The following BBS9 variants were observed in gnomAD, a reference collection of about 807,000 sequenced individuals.
BBS9 encodes Bardet-Biedl syndrome 9, also known as protein PTHB1.
A neutral mutation model predicts 117.7 loss-of-function variants in BBS9; 89 were observed. That is an observed-to-expected ratio of 0.76 (90% confidence interval 0.64 to 0.90). The LOEUF (loss-of-function observed/expected upper bound fraction) is 0.90. Among genes scored for constraint, BBS9 ranks in the 40% least tolerant of loss-of-function variants. BBS9 has a pLI of 0.00. For missense variants in BBS9, 982 were observed against 1,042.2 expected, an observed-to-expected ratio of 0.94 and a Z score of 0.80; for synonymous variants, 379 against 370.9, an observed-to-expected ratio of 1.02 and a Z score of -0.25.
chr7:33,487,268 C>T (rs1843244964), intron 19 of BBS9, among the ~76,000 whole-genome samples: 1 of 152,066 alleles, frequency 6.6e-6, no homozygotes, highest in South Asian at 2.1e-4. Flanking sequence ...GGGGTTTTTC[C>T]AGATAAGCTA....
chr7:33,256,429 G>A (rs1156343965), intron 5 of BBS9, among the ~76,000 whole-genome samples: 2 of 152,084 alleles, frequency 1.3e-5, no homozygotes, highest in Non-Finnish European at 2.9e-5. Context: ...CAGTTGAGGT[G>A]GGTTAGAGTA....
chr7:33,346,297 G>A (rs909458789), intron 12 of BBS9: 20 of 469,184 alleles, frequency 4.3e-5, no homozygotes, highest in African/African-American at 1.6e-4. Flanking sequence ...TTTTCCATCC[G>A]TTCCAAGTGA....
intron 21 of BBS9, among the ~76,000 whole-genome samples, chr7:33,635,082 C>T (rs1232653797): frequency 6.6e-6 from 1 of 152,186 alleles, no homozygotes; most frequent in Non-Finnish European, 1.5e-5. Flanking sequence ...GAATTAGATG[C>T]TGCGATCTGT....
intron 9 of BBS9, among the ~76,000 whole-genome samples, chr7:33,321,168 G>A (rs1221337983): frequency 6.6e-6 from 1 of 152,040 alleles, no homozygotes; most frequent in Non-Finnish European, 1.5e-5. Flanking sequence ...GTCGGGTAAT[G>A]TGATCCTTCC....
At chr7:33,559,803 T>C (rs1246356734) in intron 21 of BBS9, among the ~76,000 whole-genome samples, 2 of 152,136 alleles carry the variant, frequency 1.3e-5, no homozygotes, top group African/African-American at 4.8e-5. Context: ...CTCCAGCCCC[T>C]TCATTCTTAC....
chr7:33,396,394 G>A (rs12669847), intron 19 of BBS9, among the ~76,000 whole-genome samples: 4,269 of 152,086 alleles, frequency 0.028, 232 homozygotes, highest in East Asian at 0.26. Context: ...AGCAGATTAT[G>A]AAATAGTATA....
At chr7:33,476,187 A>G (rs773220479) in intron 19 of BBS9, among the ~76,000 whole-genome samples, 3 of 152,184 alleles carry the variant, frequency 2.0e-5, no homozygotes, top group Non-Finnish European at 2.9e-5. Flanking sequence ...TCTATTTTAC[A>G]TAAGTGAAAT....
At chr7:33,232,094 A>C (rs917347358) in intron 5 of BBS9, among the ~76,000 whole-genome samples, 1 of 152,172 alleles carries the variant, frequency 6.6e-6, no homozygotes, top group Admixed American at 6.6e-5. Context: ...GATCTGAATT[A>C]GAATTTAATA....
intron 5 of BBS9, among the ~76,000 whole-genome samples, chr7:33,189,514 G>T (rs925484397): frequency 6.6e-6 from 1 of 151,910 alleles, no homozygotes; most frequent in Non-Finnish European, 1.5e-5. Flanking sequence ...GGAAAAAAAA[G>T]AAAAGGAAAA....
chr7:33,284,187 C>T (rs6462468), intron 9 of BBS9, among the ~76,000 whole-genome samples: 151,395 of 152,304 alleles, frequency 0.99, 75,246 homozygotes, highest in East Asian at 1. Context: ...CAGCTCTTGG[C>T]ATCCTATCAT....
Position 33,604,932 on chromosome 7 carries a change from G to T in BBS9, c.2589G>T (p.Leu863=), listed in dbSNP as rs1314330968. 1 of 1,613,810 alleles carries T rather than the reference G, an allele frequency of 6.2e-7. No individual in the cohort carries two copies. Among genetic ancestry groups the T allele is most frequent in the Non-Finnish European group, 8.5e-7 (1 of 1,179,804 alleles). The change falls in exon 22 of 23, where the codon CTG becomes CTT. Residue 863 remains leucine (L), a synonymous_variant. Coordinates refer to ENST00000242067, the MANE Select transcript of BBS9 (RefSeq NM_198428.3). ...ERSVEQDSTE[L]FTNHRHLTAE... ...CAGTAGAACAAGACTCTACAGAACT[G>T]TTTACCAACCACAGACATCTCACTG...
At chr7:33,433,131 CTT>C (rs1175165152) in intron 19 of BBS9, among the ~76,000 whole-genome samples, 3 of 152,102 alleles carry the variant, frequency 2.0e-5, no homozygotes, top group Non-Finnish European at 4.4e-5. Flanking sequence ...ATAATTAACT[CTT>C]TTATATATTT....
At chr7:33,612,953 A>G (rs913748623) in intron 21 of BBS9, among the ~76,000 whole-genome samples, 2 of 152,022 alleles carry the variant, frequency 1.3e-5, no homozygotes, top group South Asian at 2.1e-4. Flanking sequence ...TTTTATATGC[A>G]CTAAATAGAG....
chr7:33,272,937 A>T, intron 7 of BBS9, 75 bp from the exon 8 acceptor site: 1 of 1,411,938 alleles, frequency 7.1e-7, no homozygotes, highest in African/African-American at 1.4e-5. Flanking sequence ...GCAATTTCTT[A>T]ATTTATATTG....
chr7:33,319,008 C>A (rs993546051), intron 9 of BBS9, among the ~76,000 whole-genome samples: 1 of 152,088 alleles, frequency 6.6e-6, no homozygotes, highest in Admixed American at 6.5e-5. Context: ...ACTAAAAATA[C>A]AAAAGTTAGC....
At chr7:33,284,703 C>T (rs1802555116) in intron 9 of BBS9, among the ~76,000 whole-genome samples, 1 of 152,136 alleles carries the variant, frequency 6.6e-6, no homozygotes, top group Non-Finnish European at 1.5e-5. Context: ...AATATCTGCT[C>T]TCTTTTTCCT....
intron 9 of BBS9, among the ~76,000 whole-genome samples, chr7:33,324,719 C>T (rs1416657825): frequency 6.6e-6 from 1 of 151,760 alleles, no homozygotes; most frequent in Non-Finnish European, 1.5e-5. Flanking sequence ...TTCTCCTTCA[C>T]GTTTGATGGA....
intron 5 of BBS9, among the ~76,000 whole-genome samples, chr7:33,239,148 A>G (rs1206249622): frequency 6.6e-6 from 1 of 152,156 alleles, no homozygotes; most frequent in African/African-American, 2.4e-5. Context: ...GAAAGTTTTT[A>G]AAAGTTCCTA....
intron 20 of BBS9, among the ~76,000 whole-genome samples, chr7:33,529,927 C>A (rs1190160986): frequency 1.3e-5 from 2 of 152,122 alleles, no homozygotes; most frequent in Non-Finnish European, 2.9e-5. Context: ...TAAAACTGAA[C>A]ATTAGCCTTA....
Sources: allele counts gnomAD v4.1 joint callset (sites outside exome capture counted in the v4.1 genomes callset), GRCh38; gene constraint gnomAD v4.1.1; transcripts MANE v1.5; gene names NCBI Gene and HGNC (gene_info 2026-07-23, HGNC 2026-07-21).